The following SYNE1 variants were observed in gnomAD, a reference collection of about 807,000 sequenced individuals.
SYNE1 encodes the protein nesprin-1.
SYNE1 carries 616 observed loss-of-function variants against 1,111.0 expected under a neutral mutation model. The observed-to-expected ratio is 0.55, with a 90% CI of 0.52 to 0.59. The LOEUF (loss-of-function observed/expected upper bound fraction) is 0.59. Among genes scored for constraint, SYNE1 ranks in the 20% least tolerant of loss-of-function variants. The pLI is 0.00. For missense variants in SYNE1, 10,006 were observed against 10,417.0 expected (o/e 0.96, Z 1.72); for synonymous variants, 3,855 against 3,825.8 (o/e 1.01, Z -0.28).
At chr6:152,239,020 C>G (rs947219870) in intron 108 of SYNE1, among the ~76,000 whole-genome samples, 1 of 151,844 alleles carries the variant, frequency 6.6e-6, no homozygotes, top group African/African-American at 2.4e-5. Flanking sequence ...GCCTCAGCCT[C>G]CCAAGTAGCT....
intron 127 of SYNE1, among the ~76,000 whole-genome samples, chr6:152,200,820 A>G (rs6900213): frequency 0.13 from 19,636 of 152,254 alleles, 1,640 homozygotes; most frequent in East Asian, 0.23. Flanking sequence ...CATGATGTAA[A>G]ATATACTACC....
chr6:152,234,514 C>T (rs538639727), intron 111 of SYNE1, among the ~76,000 whole-genome samples, 154 bp downstream of exon 111: 7 of 152,200 alleles, frequency 4.6e-5, no homozygotes, highest in Non-Finnish European at 1.0e-4. Context: ...AGGCTGGTCC[C>T]GAACTCCTGA....
At chr6:152,437,018 G>C (rs1039792214) in intron 32 of SYNE1, among the ~76,000 whole-genome samples, 2 of 151,118 alleles carry the variant, frequency 1.3e-5, no homozygotes, top group Non-Finnish European at 2.9e-5. Context: ...AAAAAAAAAA[G>C]TGACCAGGCA....
At chr6:152,201,345 T>G (rs1348289527) in intron 127 of SYNE1, among the ~76,000 whole-genome samples, 1 of 152,146 alleles carries the variant, frequency 6.6e-6, no homozygotes, top group African/African-American at 2.4e-5. Context: ...CTGAGCAATT[T>G]AGGGATTGTG....
chr6:152,549,665 A>G (rs1011411388), intron 3 of SYNE1, among the ~76,000 whole-genome samples: 3 of 152,212 alleles, frequency 2.0e-5, no homozygotes, highest in Non-Finnish European at 4.4e-5. Context: ...GAGAAGAGAG[A>G]AAATTAATAG....
intron 3 of SYNE1, among the ~76,000 whole-genome samples, chr6:152,623,017 C>T (rs1192976369): frequency 6.6e-6 from 1 of 151,986 alleles, no homozygotes; most frequent in African/African-American, 2.4e-5. Context: ...ATCAGTGATG[C>T]TGAGCTTTTT....
At chr6:152,464,913 T>C (rs2098755423) in intron 18 of SYNE1, 1 of 359,620 alleles carries the variant, frequency 2.8e-6, no homozygotes, top group Non-Finnish European at 5.3e-6. Context: ...GATCCAGTAG[T>C]ATGTGTTTCA....
chr6:152,558,976 TTTTATTTATTTATTTATTTATTTA>T (rs76946853), intron 3 of SYNE1, among the ~76,000 whole-genome samples: 1 of 139,964 alleles, frequency 7.1e-6, no homozygotes, highest in Non-Finnish European at 1.5e-5. Context: ...CATATTTAAT[TTTTATTTATTTATTTATTTATTTA>T]TTTATTTATT....
At chr6:152,385,573 G>A in intron 55 of SYNE1, 101 bp downstream of exon 55, 1 of 1,381,000 alleles carries the variant, frequency 7.2e-7, no homozygotes, top group African/African-American at 1.4e-5. Flanking sequence ...AAAACAGGAA[G>A]GAAACATTTT....
chr6:152,235,065 A>G (rs2083684063), intron 110 of SYNE1, among the ~76,000 whole-genome samples: 1 of 152,204 alleles, frequency 6.6e-6, no homozygotes. Flanking sequence ...AGAAAATATT[A>G]GATGATGGTT....
chr6:152,391,347 T>C lies in SYNE1; in HGVS notation c.7934A>G (p.Asp2645Gly). ...AGTGCTCTCTGCACAGGCCAGTCTG[T>C]CCTGAATGGCCTTCACCCAGAACCA... ...SMWFWVKAIQ[D>G]RLACAESTLG... The change falls in exon 52 of 146, where the codon GAC (aspartate) becomes GGC (glycine). Residue 2645 changes from aspartate (D) to glycine (G), a missense_variant. Around this residue, in one of 7 missense-constraint regions of SYNE1, gnomAD observed 4,955 missense variants for 5,017.2 expected, o/e 0.99. Coordinates refer to ENST00000367255, the MANE Select transcript of SYNE1 (RefSeq NM_182961.4). 1 of 1,614,156 alleles carries C rather than the reference T, an allele frequency of 6.2e-7. No homozygotes were observed. Among genetic ancestry groups the C allele is most frequent in the South Asian group, 1.1e-5 (1 of 91,086 alleles).
In SYNE1 at chr6:152,398,057, T is replaced by A. The variant is rs150329435; in HGVS notation, c.7350+562A>T. ...TAGAATACTTAACATAGTGCTTTAC[T>A]CGGATTAGCTGCTTGACAAGCTTGG... On this transcript the variant is annotated intron_variant, in intron 49 of 145. Transcript: ENST00000367255. Among the ~76,000 whole-genome samples the A allele has an allele frequency of 5.8e-4, 89 of 152,182 alleles. 1 individual carries two copies. In the East Asian group the frequency reaches 0.015, roughly 26 times the overall value.
chr6:152,288,674 G>C lies in SYNE1; in HGVS notation c.18013-4502C>G, dbSNP rs1324521333. Among the ~76,000 whole-genome samples the C allele has an allele frequency of 1.3e-5, 2 of 152,218 alleles. 1 individual carries two copies. The highest frequency in any genetic ancestry group is 3.9e-4 in the East Asian group (2 of 5,192). On this transcript the variant is annotated intron_variant, in intron 95 of 145. Transcript: ENST00000367255. ...CAATTCTTCTGCCTTAGCCTCTCAAGTAGCTGGGACTACAGGCTGCACCAC... is the reference window on the plus strand; with the variant it reads ...CAATTCTTCTGCCTTAGCCTCTCAACTAGCTGGGACTACAGGCTGCACCAC...
intron 93 of SYNE1, among the ~76,000 whole-genome samples, chr6:152,297,270 A>G (rs1476886128): frequency 6.6e-6 from 1 of 152,034 alleles, no homozygotes; most frequent in Non-Finnish European, 1.5e-5. Context: ...TCTGCCTGAA[A>G]ATCTTCATCT....
At chr6:152,311,538 A>G (rs2095545897) in intron 87 of SYNE1, among the ~76,000 whole-genome samples, 1 of 152,210 alleles carries the variant, frequency 6.6e-6, no homozygotes, top group Non-Finnish European at 1.5e-5. Flanking sequence ...GTGTGAAGAG[A>G]TGACTGCAAC....
At position 152,129,975 on chromosome 6, in the gene SYNE1, G is replaced by A. The variant is rs566631731; in HGVS notation, c.26153+745C>T. ...AGCAGAGGAGCACAGACACCACACCGACAACAAAGAAGGCAAAGCACTGCT... is the reference window on the plus strand; with the variant it reads ...AGCAGAGGAGCACAGACACCACACCAACAACAAAGAAGGCAAAGCACTGCT... On this transcript the variant is annotated intron_variant, in intron 145 of 145. Coordinates refer to ENST00000367255, the MANE Select transcript of SYNE1 (RefSeq NM_182961.4). Among the ~76,000 whole-genome samples the A allele has an allele frequency of 2.0e-4, 30 of 152,304 alleles. 1 individual carries two copies. The South Asian group carries it at 4.8e-3, about 24-fold the overall frequency.
At chr6:152,145,266 A>G (rs2059269632) in intron 137 of SYNE1, 2 of 595,916 alleles carry the variant, frequency 3.4e-6, no homozygotes, top group Middle Eastern at 4.6e-4. Flanking sequence ...ACCAATCACC[A>G]TTTAACAAGT....
intron 3 of SYNE1, among the ~76,000 whole-genome samples, chr6:152,627,392 C>T (rs1403542682): frequency 6.6e-6 from 1 of 151,976 alleles, no homozygotes; most frequent in African/African-American, 2.4e-5. Flanking sequence ...GTGGCTCATG[C>T]CTGTAATCCC....
At chr6:152,264,841 A>C (rs2092510313) in intron 100 of SYNE1, among the ~76,000 whole-genome samples, 1 of 151,806 alleles carries the variant, frequency 6.6e-6, no homozygotes, top group Non-Finnish European at 1.5e-5. Flanking sequence ...CAGGGATTCC[A>C]CTCCTAGGAT....
Sources: gnomAD v4.1 joint callset for allele counts (sites outside exome capture counted in the v4.1 genomes callset) on GRCh38, gnomAD v4.1.1 for gene constraint, gnomAD v4.1.1 regional missense constraint, MANE v1.5 for transcripts, NCBI Gene and HGNC (gene_info 2026-07-23, HGNC 2026-07-21) for gene names.